TARS1: variants seen among roughly 807,000 people sequenced by gnomAD.
TARS1 encodes the protein threonine--tRNA ligase 1, cytoplasmic.
Under a neutral mutation model 97.7 loss-of-function variants are expected in TARS1, and 57 were observed. That is an observed-to-expected ratio of 0.58 (90% confidence interval 0.47 to 0.73). The LOEUF (loss-of-function observed/expected upper bound fraction) is 0.73. TARS1 is among the 30% of genes least tolerant of loss of function. The probability of loss-of-function intolerance (pLI) is 0.00; values close to 1 mark genes in which losing one functional copy is unlikely to be tolerated. For missense variants in TARS1, 806 were observed against 888.3 expected, an observed-to-expected ratio of 0.91 and a Z score of 1.18; for synonymous variants, 312 against 293.7, an observed-to-expected ratio of 1.06 and a Z score of -0.64.
chr5:33,441,317 A>G (rs541105665), intron 1 of TARS1, 174 bp downstream of exon 1: 1 of 670,210 alleles, frequency 1.5e-6, no homozygotes, highest in Admixed American at 2.8e-5. Flanking sequence ...GGAACCATCC[A>G]TTCATAAATT....
intron 1 of TARS1, 74 bp from the exon 2 acceptor site, chr5:33,445,250 C>G (rs1418297508): frequency 4.4e-6 from 5 of 1,127,252 alleles, no homozygotes; most frequent in African/African-American, 3.2e-5. Flanking sequence ...ATAACATTCT[C>G]AACACTTCCT....
In TARS1 at chr5:33,456,160, T is replaced by G; in HGVS notation, c.770T>G (p.Leu257Trp). The change falls in exon 8 of 19, where the codon TTG (leucine) becomes TGG (tryptophan). Residue 257 changes from leucine (L) to tryptophan (W), a missense_variant. Leu to Trp is a moderately conservative substitution (Grantham distance 61, BLOSUM62 -2). Transcript: ENST00000265112. ...CATTTTATCTTTAGATGTGGCCCTT[T>G]GATAGATCTCTGCCGGGGTCCTCAT... ...PTTTVYRCGPLIDLCRGPHVR... is the reference protein window; with the variant it reads ...PTTTVYRCGPWIDLCRGPHVR... 6.2e-7 allele frequency: 1 copy of G among 1,614,074 alleles called. No individual in the cohort carries two copies. Among genetic ancestry groups the G allele is most frequent in the Non-Finnish European group, 8.5e-7 (1 of 1,179,984 alleles).
At position 33,461,947 on chromosome 5, in the gene TARS1, GT is replaced by G; in HGVS notation, c.1672del (p.Cys558ValfsTer19). 1 of 1,614,140 alleles carries G rather than the reference GT, an allele frequency of 6.2e-7. No individual in the cohort carries two copies. The highest frequency in any genetic ancestry group is 1.1e-5 in the South Asian group (1 of 91,084). On this transcript the variant is annotated frameshift_variant, in exon 15 of 19. Coordinates refer to ENST00000265112, the MANE Select transcript of TARS1 (RefSeq NM_152295.5). LOFTEE classifies it high-confidence loss of function. ...IKDAIGRYHQ[C>X]ATIQLDFQLP... ...AAGATGCGATTGGGCGGTACCACCA[GT>G]GTGCAACCATCCAGCTGGATTTCCA...
chr5:33,452,650 T>C (rs1233944767), intron 3 of TARS1, among the ~76,000 whole-genome samples: 1 of 152,162 alleles, frequency 6.6e-6, no homozygotes, highest in East Asian at 1.9e-4. Context: ...ACCTCTATAT[T>C]TGTTATAAAT....
chr5:33,466,488 A>T (rs1742533639), intron 17 of TARS1, among the ~76,000 whole-genome samples: 1 of 151,870 alleles, frequency 6.6e-6, no homozygotes, highest in Non-Finnish European at 1.5e-5. Flanking sequence ...CACATCTGTA[A>T]TCTGAGGTTC....
chr5:33,446,810 C>T (rs1316807500), intron 2 of TARS1: 1 of 1,185,046 alleles, frequency 8.4e-7, no homozygotes, highest in African/African-American at 1.6e-5. Flanking sequence ...GAACTGGGTA[C>T]TGTGCATTAG....
intron 1 of TARS1, among the ~76,000 whole-genome samples, chr5:33,442,517 C>T (rs974625184): frequency 3.9e-5 from 6 of 152,098 alleles, no homozygotes; most frequent in African/African-American, 1.4e-4. Context: ...TGTATTAATG[C>T]ATTCCATGAA....
In TARS1 at chr5:33,441,067, C is replaced by T; in HGVS notation, c.-20C>T. 2 of 1,614,196 alleles carry T rather than the reference C, an allele frequency of 1.2e-6. No individual in the cohort carries two copies. The highest frequency in any genetic ancestry group is 1.7e-5 in the Admixed American group (1 of 60,026). On this transcript the variant is annotated 5_prime_UTR_variant, in exon 1 of 19. Coordinates refer to ENST00000265112, the MANE Select transcript of TARS1 (RefSeq NM_152295.5). Reference sequence around the variant, plus strand: ...CTAGGCCGTCGCTTTCGGGTTCTCTCATCGCTTCGTCGTTCGCCAATGTTT... The same window carrying T: ...CTAGGCCGTCGCTTTCGGGTTCTCTTATCGCTTCGTCGTTCGCCAATGTTT...
intron 17 of TARS1, chr5:33,466,103 A>T (rs1579595264): frequency 6.6e-6 from 1 of 152,206 alleles, no homozygotes; most frequent in East Asian, 1.9e-4. Flanking sequence ...CACTGCTCAC[A>T]TGGCTTTGCG....
chr5:33,448,021 A>G (rs900780539), intron 2 of TARS1, among the ~76,000 whole-genome samples: 1 of 152,208 alleles, frequency 6.6e-6, no homozygotes, highest in Non-Finnish European at 1.5e-5. Flanking sequence ...GTTGTTTTAT[A>G]TAGTTGCTAA....
intron 2 of TARS1, 84 bp from the exon 3 acceptor site, chr5:33,448,454 ATTG>A: frequency 8.5e-7 from 1 of 1,173,526 alleles, no homozygotes; most frequent in Non-Finnish European, 1.2e-6. Flanking sequence ...GGGTTTCTGT[ATTG>A]TTTTTATTAT....
intron 17 of TARS1, among the ~76,000 whole-genome samples, chr5:33,465,714 G>A (rs1426270107): frequency 6.6e-6 from 1 of 152,192 alleles, no homozygotes; most frequent in Admixed American, 6.5e-5. Context: ...AAGTCACTTA[G>A]ATTGTTTCAA....
intron 2 of TARS1, among the ~76,000 whole-genome samples, 170 bp from the exon 3 acceptor site, chr5:33,448,371 C>T (rs893973891): frequency 1.3e-5 from 2 of 152,206 alleles, no homozygotes; most frequent in African/African-American, 4.8e-5. Flanking sequence ...CTTTTACCTT[C>T]ATTTAGAACC....
In TARS1 at chr5:33,458,508, A is replaced by G. The variant is rs371372238; in HGVS notation, c.985-58A>G. On this transcript the variant is annotated intron_variant, in intron 9 of 18. Transcript: ENST00000265112. The stretch of plus-strand genomic sequence containing the variant: ...CTCAAGAACACTGAAATTTATGTAT[A>G]TATACACACACGTATACGTGACGTA... 1.2e-5 allele frequency: 17 copies of G among 1,446,452 alleles called. No homozygotes were observed. In the African/African-American group the frequency reaches 1.3e-4, roughly 11 times the overall value. 89.6% of individuals were successfully genotyped at this position (1,446,452 alleles called of 1,614,324 possible).
Position 33,448,738 on chromosome 5 carries a change from G to C in TARS1, c.329+7G>C, listed in dbSNP as rs1483321381. ...AAATTGCCTGTGGAATTAGGTATAA[G>C]CTACACCCATCATGACCTTCCATAG... On this transcript the variant is annotated splice_region_variant and intron_variant, in intron 3 of 18. Transcript: ENST00000265112. The C allele has an allele frequency of 6.3e-7, 1 of 1,595,816 alleles. No individual in the cohort carries two copies. The highest frequency in any genetic ancestry group is 1.7e-5 in the Admixed American group (1 of 57,580).
chr5:33,447,866 C>G (rs1741498517), intron 2 of TARS1, among the ~76,000 whole-genome samples: 1 of 152,166 alleles, frequency 6.6e-6, no homozygotes, highest in South Asian at 2.1e-4. Flanking sequence ...TTGAAATGTT[C>G]CATAGATTAT....
chr5:33,463,111 A>T lies in TARS1; in HGVS notation c.1836-642A>T, dbSNP rs1054403397. The stretch of plus-strand genomic sequence containing the variant: ...ATGATTAGGGTAGAATTTAGTGCCT[A>T]CTTTAGCCTTTTGCCTGATACAACA... On this transcript the variant is annotated intron_variant, in intron 16 of 18. Coordinates refer to ENST00000265112, the MANE Select transcript of TARS1 (RefSeq NM_152295.5). 5.9e-4 allele frequency among the ~76,000 whole-genome samples: 90 copies of T among 152,222 alleles called. 1 individual carries two copies. The highest frequency in any genetic ancestry group is 2.1e-3 in the African/African-American group (87 of 41,462).
At chr5:33,448,776 C>G in intron 3 of TARS1, 45 bp downstream of exon 3, 1 of 1,372,564 alleles carries the variant, frequency 7.3e-7, no homozygotes, top group Non-Finnish European at 9.8e-7. Flanking sequence ...TGTGGTCTAA[C>G]TAAACTTCCT....
chr5:33,457,104 T>C (rs1742054156), intron 8 of TARS1, among the ~76,000 whole-genome samples, 153 bp from the exon 9 acceptor site: 1 of 152,100 alleles, frequency 6.6e-6, no homozygotes. Flanking sequence ...CACCTGCAGA[T>C]TGAGGGAGGG....
Sources: gnomAD v4.1 joint callset for allele counts (sites outside exome capture counted in the v4.1 genomes callset) on GRCh38, gnomAD v4.1.1 for gene constraint, MANE v1.5 for transcripts, NCBI Gene and HGNC (gene_info 2026-07-23, HGNC 2026-07-21) for gene names.